VWC2L: variants seen among roughly 807,000 people sequenced by gnomAD.
VWC2L encodes von Willebrand factor C domain containing 2 like, also known as von Willebrand factor C domain-containing protein 2-like.
A neutral mutation model predicts 21.6 loss-of-function variants in VWC2L; 10 were observed. The ratio of observed to expected loss-of-function variants is 0.46; its 90% CI spans 0.29 to 0.78. VWC2L has a LOEUF of 0.78. Ranked by LOEUF, VWC2L falls within the 30% of genes least tolerant of loss-of-function variation. VWC2L has a pLI of 0.10. For missense variants in VWC2L, 209 were observed against 277.1 expected, an observed-to-expected ratio of 0.75 and a Z score of 1.74; for synonymous variants, 96 against 94.3, an observed-to-expected ratio of 1.02 and a Z score of -0.10.
intron 3 of VWC2L, among the ~76,000 whole-genome samples, chr2:214,498,253 T>A (rs1027566156): frequency 1.3e-5 from 2 of 152,190 alleles, no homozygotes; most frequent in Non-Finnish European, 2.9e-5. Flanking sequence ...AGCAGCTTCC[T>A]AACCACCACT....
At chr2:214,567,785 T>A (rs948319939) in intron 3 of VWC2L, among the ~76,000 whole-genome samples, 15 of 152,140 alleles carry the variant, frequency 9.9e-5, no homozygotes, top group African/African-American at 3.6e-4. Context: ...ATTAACTGTG[T>A]GACTCTGAGA....
intron 3 of VWC2L, among the ~76,000 whole-genome samples, chr2:214,455,427 T>C (rs754362687): frequency 3.3e-5 from 5 of 152,166 alleles, no homozygotes; most frequent in African/African-American, 9.7e-5. Context: ...ACCAATATAT[T>C]TGCACATATT....
At position 214,576,313 on chromosome 2, in the gene VWC2L, G is replaced by A. The variant is rs889937677; in HGVS notation, c.*493G>A. 2.6e-5 allele frequency: 4 copies of A among 152,294 alleles called. No homozygotes were observed. In the East Asian group the frequency reaches 5.8e-4, roughly 22 times the overall value. 9.4% of individuals were successfully genotyped at this position (152,294 alleles called of 1,614,324 possible). On this transcript the variant is annotated 3_prime_UTR_variant, in exon 4 of 4. Transcript: ENST00000312504. ...AAAAAAGTTTGGTAAAGGAATGTCA[G>A]GGGAAATATCTTTCCCGAGCTGGGA...
chr2:214,443,287 G>C (rs1050850980), intron 3 of VWC2L, among the ~76,000 whole-genome samples: 1 of 152,000 alleles, frequency 6.6e-6, no homozygotes, highest in African/African-American at 2.4e-5. Flanking sequence ...CAGAAGAATT[G>C]CTTCAACTTG....
In VWC2L at chr2:214,414,251, A is replaced by C. The variant is rs1702320834; in HGVS notation, c.58A>C (p.Thr20Pro). 1 of 1,613,554 alleles carries C rather than the reference A, an allele frequency of 6.2e-7. No homozygotes were observed. The highest frequency in any genetic ancestry group is 1.3e-5 in the African/African-American group (1 of 74,858). The change falls in exon 2 of 4, where the codon ACC becomes CCC. Residue 20 changes from threonine (T) to proline (P), a missense_variant. Coordinates refer to ENST00000312504, the MANE Select transcript of VWC2L (RefSeq NM_001080500.4). Reference protein sequence around the residue: ...ILLLVIPGLVTSAAISHEDYP... With the variant: ...ILLLVIPGLVPSAAISHEDYP... ...TCTGTTGGTCATCCCTGGATTGGTC[A>C]CCTCTGCTGCTATCAGTCATGAAGA... is the stretch of plus-strand genomic sequence containing the variant.
chr2:214,417,242 G>T (rs565002673), intron 2 of VWC2L, among the ~76,000 whole-genome samples: 8 of 152,198 alleles, frequency 5.3e-5, no homozygotes, highest in Admixed American at 3.3e-4. Flanking sequence ...TTATCAGACC[G>T]TTCAGTAGAT....
At chr2:214,412,579 C>T (rs371409116) in intron 1 of VWC2L, among the ~76,000 whole-genome samples, 7 of 151,934 alleles carry the variant, frequency 4.6e-5, no homozygotes, top group Admixed American at 2.0e-4. Context: ...AAGAAATCAT[C>T]GGCTTTATTA....
At chr2:214,532,152 A>C (rs1278773121) in intron 3 of VWC2L, among the ~76,000 whole-genome samples, 1 of 152,194 alleles carries the variant, frequency 6.6e-6, no homozygotes, top group Non-Finnish European at 1.5e-5. Flanking sequence ...ATTAGTTGAC[A>C]TAACCCACTT....
At chr2:214,533,243 A>G (rs970534411) in intron 3 of VWC2L, among the ~76,000 whole-genome samples, 3 of 152,192 alleles carry the variant, frequency 2.0e-5, no homozygotes, top group Admixed American at 6.6e-5. Flanking sequence ...ACATACGTAT[A>G]TGTATGTATA....
At chr2:214,505,032 A>C (rs948558665) in intron 3 of VWC2L, among the ~76,000 whole-genome samples, 3 of 152,146 alleles carry the variant, frequency 2.0e-5, no homozygotes. Context: ...CAGGAATGCT[A>C]TTTCCTGTCC....
chr2:214,505,895 T>A (rs982093067), intron 3 of VWC2L, among the ~76,000 whole-genome samples: 14 of 152,142 alleles, frequency 9.2e-5, no homozygotes, highest in Non-Finnish European at 1.6e-4. Flanking sequence ...TTTGGAGACT[T>A]TTTTAAATCT....
chr2:214,432,677 C>T (rs1387165242), intron 2 of VWC2L, among the ~76,000 whole-genome samples: 2 of 152,064 alleles, frequency 1.3e-5, no homozygotes, highest in Non-Finnish European at 2.9e-5. Context: ...AGCAGGAAAC[C>T]CCTTTCTAAT....
At chr2:214,501,883 C>T (rs1206171410) in intron 3 of VWC2L, among the ~76,000 whole-genome samples, 1 of 152,180 alleles carries the variant, frequency 6.6e-6, no homozygotes, top group East Asian at 1.9e-4. Flanking sequence ...ACAGAGGGAC[C>T]AGCCCTGAGA....
chr2:214,447,375 T>A (rs1172666300), intron 3 of VWC2L, among the ~76,000 whole-genome samples: 4 of 152,090 alleles, frequency 2.6e-5, no homozygotes, highest in Non-Finnish European at 5.9e-5. Flanking sequence ...AGAGATCAAG[T>A]GGTAACTGCT....
At chr2:214,496,449 A>G (rs993805586) in intron 3 of VWC2L, among the ~76,000 whole-genome samples, 3 of 152,140 alleles carry the variant, frequency 2.0e-5, no homozygotes, top group African/African-American at 4.8e-5. Context: ...TTTTTCAACT[A>G]TCTGTTATAC....
chr2:214,436,941 G>A (rs1331197779), intron 3 of VWC2L, among the ~76,000 whole-genome samples, 183 bp downstream of exon 3: 1 of 152,134 alleles, frequency 6.6e-6, no homozygotes, highest in African/African-American at 2.4e-5. Flanking sequence ...GGTTTATTGT[G>A]CAGCTTTCCA....
intron 2 of VWC2L, chr2:214,414,807 G>T: frequency 1.8e-6 from 1 of 547,064 alleles, no homozygotes; most frequent in Non-Finnish European, 3.1e-6. Context: ...TTTTTTCCCA[G>T]AAGTATTTGG....
chr2:214,481,738 T>C (rs894489535), intron 3 of VWC2L, among the ~76,000 whole-genome samples: 4 of 152,344 alleles, frequency 2.6e-5, no homozygotes, highest in Non-Finnish European at 5.9e-5. Context: ...GCATTACAAA[T>C]ACTGAAATAT....
At chr2:214,422,189 A>G (rs1702453774) in intron 2 of VWC2L, among the ~76,000 whole-genome samples, 1 of 151,980 alleles carries the variant, frequency 6.6e-6, no homozygotes, top group South Asian at 2.1e-4. Context: ...CGCCCGGCCT[A>G]TTTCCTACAT....
Sources: gnomAD v4.1 joint callset for allele counts (sites outside exome capture counted in the v4.1 genomes callset) on GRCh38, gnomAD v4.1.1 for gene constraint, MANE v1.5 for transcripts, NCBI Gene and HGNC (gene_info 2026-07-23, HGNC 2026-07-21) for gene names.